The following DIDO1 variants were observed in gnomAD, a reference collection of about 807,000 sequenced individuals.
The protein encoded by DIDO1 is death inducer-obliterator 1.
DIDO1 carries 16 observed loss-of-function variants against 99.4 expected under a neutral mutation model. The ratio of observed to expected loss-of-function variants is 0.16; its 90% CI spans 0.11 to 0.24. The LOEUF (loss-of-function observed/expected upper bound fraction) is 0.24. Ranked by LOEUF, DIDO1 falls within the 10% of genes least tolerant of loss-of-function variation. DIDO1 has a pLI of 1.00. For synonymous variants in DIDO1, 1,366 were observed against 1,239.1 expected (o/e 1.10, Z -2.15); for missense variants, 2,996 against 3,014.0 (o/e 0.99, Z 0.14).
rs118103955 is a variant in DIDO1 at position 62,881,335 on chromosome 20, A to G, written c.4621T>C (p.Ser1541Pro). ...GGCAGTGAGGCGGGCTTGTCTGCAG[A>G]CTGCTGCTCTTGCTGGAACAGCTCT... is the stretch of plus-strand genomic sequence containing the variant. ...KAELFQQEQQ[S>P]ADKPASLPPA... Residue 1541 changes from serine to proline, a missense_variant, in exon 16 of 16, where the codon TCT becomes CCT. This residue lies in a region of DIDO1 where 1,562 missense variants were observed against 1,412.6 expected (regional missense o/e 1.11). Coordinates refer to ENST00000395343, the MANE Select transcript of DIDO1 (RefSeq NM_001193369.2). The surrounding 1 kb of genome is among the most constrained non-coding windows in gnomAD (Gnocchi z 8.3). 33,896 of 1,604,758 alleles carry G rather than the reference A, an allele frequency of 0.021. 467 individuals carry two copies. Among genetic ancestry groups the G allele is most frequent in the Non-Finnish European group, 0.026 (30,293 of 1,179,854 alleles).
chr20:62,926,469 C>T lies in DIDO1; in HGVS notation c.-230G>A, dbSNP rs2065258290. 1 of 152,042 alleles carries T rather than the reference C, an allele frequency of 6.6e-6. No individual in the cohort carries two copies. 9.4% of individuals were successfully genotyped at this position (152,042 alleles called of 1,614,324 possible). A position where few individuals can be genotyped will look rare whatever the true frequency, so the allele number is the denominator to read the frequency against. ...GCCTCTAGGGTCTCGCAGCCATTTC[C>T]CCGAACGCCGCGGAGTGGGCGGACG... On this transcript the variant is annotated 5_prime_UTR_variant, in exon 1 of 16. Coordinates refer to ENST00000395343, the MANE Select transcript of DIDO1 (RefSeq NM_001193369.2).
Position 62,911,172 on chromosome 20 carries a change from G to A in DIDO1, c.441C>T (p.Asp147=). The A allele has an allele frequency of 1.2e-6, 2 of 1,614,046 alleles. No individual in the cohort carries two copies. Among genetic ancestry groups the A allele is most frequent in the Non-Finnish European group, 1.7e-6 (2 of 1,180,036 alleles). Residue 147 remains aspartate, a synonymous_variant, in exon 3 of 16, where the codon GAC becomes GAT. Coordinates refer to ENST00000395343, the MANE Select transcript of DIDO1 (RefSeq NM_001193369.2). The surrounding 1 kb of genome is among the most constrained non-coding windows in gnomAD (Gnocchi z 7.0). ...TGTCACTATCGGAGGTGTCATCGTGGTCATCCCCTCCTTTCACCTTTTCAG... is the reference window on the plus strand; with the variant it reads ...TGTCACTATCGGAGGTGTCATCGTGATCATCCCCTCCTTTCACCTTTTCAG... ...ASSEKVKGGD[D]HDDTSDSDSD...
chr20:62,882,455 C>A, intron 15 of DIDO1, 41 bp from the exon 16 acceptor site: 2 of 1,561,404 alleles, frequency 1.3e-6, no homozygotes, highest in Non-Finnish European at 8.7e-7. Context: ...GAATCTAAAT[C>A]CAGCTTTTAC....
chr20:62,924,731 C>A (rs548373526), intron 1 of DIDO1, among the ~76,000 whole-genome samples: 5 of 152,318 alleles, frequency 3.3e-5, no homozygotes, highest in African/African-American at 1.2e-4. Context: ...GCAACATGGG[C>A]TGGGCTGTCT....
At chr20:62,892,741 T>G (rs2064426061) in intron 13 of DIDO1, 68 bp downstream of exon 13, 1 of 1,528,034 alleles carries the variant, frequency 6.5e-7, no homozygotes, top group Non-Finnish European at 8.9e-7. Context: ...GAAAGTCATG[T>G]GTTTGACTCT....
chr20:62,882,231 G>T lies in DIDO1; in HGVS notation c.3725C>A (p.Ser1242Tyr). 1 of 1,613,844 alleles carries T rather than the reference G, an allele frequency of 6.2e-7. No individual in the cohort carries two copies. The highest frequency in any genetic ancestry group is 1.6e-4 in the Middle Eastern group (1 of 6,062). The change falls in exon 16 of 16, where the codon TCC (serine) becomes TAC (tyrosine). Residue 1242 changes from serine (S) to tyrosine (Y), a missense_variant. Coordinates refer to ENST00000395343, the MANE Select transcript of DIDO1 (RefSeq NM_001193369.2). ...GTCTGCAGAGCAGAGTGGATACTTG[G>T]AGGGCTTCTTTTCCGACTGCGGGAC... ...ATVPQSEKKP[S>Y]KYPLCSADAA... is the part of the protein sequence containing the mutation.
At chr20:62,905,378 T>C (rs1469203825) in intron 6 of DIDO1, 19 of 1,449,216 alleles carry the variant, frequency 1.3e-5, no homozygotes, top group Non-Finnish European at 1.6e-5. Context: ...CAAAAATAAA[T>C]GTACACCTGA....
At position 62,936,928 on chromosome 20, in the gene DIDO1, A is replaced by G. The variant is rs898916123; in HGVS notation, c.-200+868T>C. On this transcript the variant is annotated intron_variant, in intron 1 of 15. Coordinates refer to the DIDO1 transcript ENST00000266070. ...GGGTTATGTAGTTGCAAATGAAAAAATTACTGGCATGTACTGCCTCTGCAT... is the reference window on the plus strand; with the variant it reads ...GGGTTATGTAGTTGCAAATGAAAAAGTTACTGGCATGTACTGCCTCTGCAT... 2.6e-5 allele frequency among the ~76,000 whole-genome samples: 4 copies of G among 152,370 alleles called. No individual in the cohort carries two copies. In the East Asian group the frequency reaches 5.8e-4, roughly 22 times the overall value.
intron 1 of DIDO1, among the ~76,000 whole-genome samples, chr20:62,926,053 G>C (rs1424119845): frequency 6.6e-6 from 1 of 152,038 alleles, no homozygotes; most frequent in Non-Finnish European, 1.5e-5. Flanking sequence ...AGCCAGCTAC[G>C]CAGCCCCCGA....
At chr20:62,886,275 G>A (rs988691791) in intron 15 of DIDO1, among the ~76,000 whole-genome samples, 7 of 152,242 alleles carry the variant, frequency 4.6e-5, no homozygotes, top group African/African-American at 7.2e-5. Flanking sequence ...TGGAACAAGG[G>A]TGTGGATGTT....
chr20:62,925,636 A>C (rs561755098), intron 1 of DIDO1, among the ~76,000 whole-genome samples: 1 of 152,372 alleles, frequency 6.6e-6, no homozygotes, highest in African/African-American at 2.4e-5. Context: ...TCCTTTATTT[A>C]GAGCAGAAAA....
chr20:62,891,036 G>A lies in DIDO1; in HGVS notation c.3465C>T (p.His1155=), dbSNP rs750624284. ...GCGGGATCAGGTAGAGGTCCTTGAC[G>A]TGCCTGTTGTTATTAGCTACAACAC... The part of the protein sequence containing the change: ...RFGVVANNNR[H]VKDLYLIPLS... Residue 1155 remains histidine (H), a synonymous_variant, in exon 15 of 16, where the codon CAC becomes CAT. Coordinates refer to ENST00000395343, the MANE Select transcript of DIDO1 (RefSeq NM_001193369.2). 17 of 1,614,196 alleles carry A rather than the reference G, an allele frequency of 1.1e-5. No individual in the cohort carries two copies. Among genetic ancestry groups the A allele is most frequent in the South Asian group, 5.5e-5 (5 of 91,080 alleles).
In DIDO1 at chr20:62,892,938, T is replaced by C; in HGVS notation, c.3126A>G (p.Pro1042=). The stretch of plus-strand genomic sequence containing the variant: ...ACAAAAAGAGGGTCGTGTCTCCCTC[T>C]GGAGGGGAACGTGATTCTGAAGTGC... The part of the protein sequence containing the change: ...NISTSESRSP[P]EGDTTLFLSR... Residue 1042 remains proline (P), a synonymous_variant, in exon 13 of 16, where the codon CCA becomes CCG. Coordinates refer to ENST00000395343, the MANE Select transcript of DIDO1 (RefSeq NM_001193369.2). 6.2e-7 allele frequency: 1 copy of C among 1,613,126 alleles called. No individual in the cohort carries two copies. The highest frequency in any genetic ancestry group is 8.5e-7 in the Non-Finnish European group (1 of 1,179,440).
At position 62,880,034 on chromosome 20, in the gene DIDO1, T is replaced by C; in HGVS notation, c.5922A>G (p.Ser1974=). The C allele has an allele frequency of 1.2e-6, 2 of 1,611,326 alleles. No individual in the cohort carries two copies. Among genetic ancestry groups the C allele is most frequent in the Non-Finnish European group, 1.7e-6 (2 of 1,179,988 alleles). Reference sequence around the variant, plus strand: ...CCCTTTGGTTTGTGAATCTTGGTGGTGAATGGACCCTCTGGTCTTCGAACT... The same window carrying C: ...CCCTTTGGTTTGTGAATCTTGGTGGCGAATGGACCCTCTGGTCTTCGAACT... The part of the protein sequence containing the change: ...PQQFEDQRVH[S]PPRFTNQRAP... The change falls in exon 16 of 16, where the codon TCA becomes TCG. Residue 1974 remains serine (S), a synonymous_variant. Transcript: ENST00000395343.
At chr20:62,909,351 C>T (rs2064874087) in intron 4 of DIDO1, among the ~76,000 whole-genome samples, 1 of 152,242 alleles carries the variant, frequency 6.6e-6, no homozygotes, top group Non-Finnish European at 1.5e-5. Context: ...CCCGAGGAGC[C>T]AGCACCAGAA....
chr20:62,928,529 C>A (rs1353231157), upstream of DIDO1: 83 of 152,364 alleles, frequency 5.4e-4, no homozygotes, highest in African/African-American at 1.9e-3. Context: ...TACCTGCCGT[C>A]ACTATTCCTG....
intron 14 of DIDO1, among the ~76,000 whole-genome samples, chr20:62,891,677 A>G (rs930220463): frequency 6.6e-6 from 1 of 152,088 alleles, no homozygotes; most frequent in Admixed American, 6.6e-5. Flanking sequence ...CTAAAATTTA[A>G]CCGCACATAC....
At chr20:62,914,498 A>G (rs2065003650) in intron 1 of DIDO1, 92 bp from the exon 2 acceptor site, 1 of 152,258 alleles carries the variant, frequency 6.6e-6, no homozygotes, top group Non-Finnish European at 1.5e-5. Flanking sequence ...CAAGTAACCT[A>G]TTATTTGAGT....
intron 1 of DIDO1, among the ~76,000 whole-genome samples, chr20:62,936,804 C>T (rs2065391193): frequency 6.6e-6 from 1 of 152,206 alleles, no homozygotes; most frequent in Non-Finnish European, 1.5e-5. Flanking sequence ...GCGGAGGTTG[C>T]AGTGAGCCGA....
Sources: gnomAD v4.1 joint callset for allele counts (sites outside exome capture counted in the v4.1 genomes callset) on GRCh38, gnomAD v4.1.1 for gene constraint, gnomAD v4.1.1 regional missense constraint, Gnocchi (gnomAD v3.1) non-coding constraint, MANE v1.5 for transcripts, NCBI Gene and HGNC (gene_info 2026-07-23, HGNC 2026-07-21) for gene names.